Variants in TEX14 observed in about 807,000 individuals in gnomAD.
TEX14 encodes inactive serine/threonine-protein kinase TEX14.
In TEX14, 168 loss-of-function variants were observed where a neutral mutation model predicts 178.6. The observed-to-expected ratio is 0.94, with a 90% CI of 0.83 to 1.07. The LOEUF (loss-of-function observed/expected upper bound fraction) is 1.07, where lower values mean the gene tolerates loss of function less well. TEX14 is among the 50% of genes least tolerant of loss of function. The pLI is 0.00. For missense variants in TEX14, 1,730 were observed against 1,753.6 expected (o/e 0.99, Z 0.24); for synonymous variants, 626 against 634.1 (o/e 0.99, Z 0.19).
chr17:58,658,608 C>T (rs2047018762), intron 1 of TEX14, among the ~76,000 whole-genome samples: 1 of 151,946 alleles, frequency 6.6e-6, no homozygotes, highest in Admixed American at 6.6e-5. Context: ...CCAGGCTGGT[C>T]TCAAACTCCT....
At chr17:58,673,987 C>A (rs1331737264) in intron 1 of TEX14, among the ~76,000 whole-genome samples, 2 of 152,098 alleles carry the variant, frequency 1.3e-5, no homozygotes, top group South Asian at 2.1e-4. Context: ...TAAAAGGAAA[C>A]CCTGGGCCGG....
At chr17:58,566,914 C>G (rs1479307193) in intron 26 of TEX14, among the ~76,000 whole-genome samples, 1 of 152,122 alleles carries the variant, frequency 6.6e-6, no homozygotes, top group African/African-American at 2.4e-5. Flanking sequence ...CACCTGTAAT[C>G]CCAGCACTTT....
chr17:58,682,256 GTCTT>G (rs1408112901), intron 1 of TEX14, among the ~76,000 whole-genome samples: 2 of 146,100 alleles, frequency 1.4e-5, no homozygotes, highest in African/African-American at 5.0e-5. Flanking sequence ...AGGCCACAGA[GTCTT>G]TCTTTTTTTT....
chr17:58,574,889 G>C (rs1355258074), intron 21 of TEX14, among the ~76,000 whole-genome samples: 3 of 152,018 alleles, frequency 2.0e-5, no homozygotes, highest in African/African-American at 7.2e-5. Context: ...TGGGAGGTAA[G>C]ATATTGGAGC....
intron 29 of TEX14, among the ~76,000 whole-genome samples, chr17:58,560,579 C>T (rs968562447): frequency 2.6e-5 from 4 of 152,332 alleles, no homozygotes; most frequent in Admixed American, 1.3e-4. Context: ...TCTTCTAGGG[C>T]AGACAAGTAA....
intron 3 of TEX14, among the ~76,000 whole-genome samples, chr17:58,628,311 G>T (rs931878191): frequency 6.6e-6 from 1 of 152,104 alleles, no homozygotes; most frequent in Non-Finnish European, 1.5e-5. Context: ...CGGCACGGTG[G>T]CTCACATCTG....
In TEX14 at chr17:58,561,500, C is replaced by A; in HGVS notation, c.4157+20G>T. 6.4e-7 allele frequency: 1 copy of A among 1,555,222 alleles called. No individual in the cohort carries two copies. Reference sequence around the variant, plus strand: ...CTTCCTGAAAAAGAAGAAAAGGATTCCCCTTTGGGGAACAATAACCTTTCA... The same window carrying A: ...CTTCCTGAAAAAGAAGAAAAGGATTACCCTTTGGGGAACAATAACCTTTCA... On this transcript the variant is annotated intron_variant, in intron 29 of 31. Transcript: ENST00000349033.
intron 3 of TEX14, among the ~76,000 whole-genome samples, chr17:58,624,620 G>T (rs2046092352): frequency 6.6e-6 from 1 of 152,058 alleles, no homozygotes; most frequent in East Asian, 1.9e-4. Flanking sequence ...GGGATTACAA[G>T]AGTGAGCCAC....
At chr17:58,563,623 A>T (rs1427070382) in intron 28 of TEX14, among the ~76,000 whole-genome samples, 1 of 2,810 alleles carries the variant, frequency 3.6e-4, no homozygotes, top group African/African-American at 2.2e-3. Flanking sequence ...TCTCTAATTT[A>T]TATATATATA....
At position 58,613,413 on chromosome 17, in the gene TEX14, C is replaced by T. The variant is rs1360496017; in HGVS notation, c.1005+8G>A. On this transcript the variant is annotated splice_region_variant and intron_variant, in intron 9 of 31. Transcript: ENST00000349033. ...AGCAATGGAAAATCCACGGAAACAG[C>T]AGTTTACTCGTTCATGAAGGACACT... 1.2e-6 allele frequency: 2 copies of T among 1,613,748 alleles called. No homozygotes were observed. The highest frequency in any genetic ancestry group is 1.7e-6 in the Non-Finnish European group (2 of 1,179,890).
intron 24 of TEX14, among the ~76,000 whole-genome samples, chr17:58,571,490 G>C (rs147040208): frequency 2.8e-4 from 42 of 151,840 alleles, no homozygotes; most frequent in African/African-American, 1.0e-3. Context: ...TGCCCGCCTC[G>C]GTCTCCCAAA....
intron 2 of TEX14, among the ~76,000 whole-genome samples, chr17:58,648,659 G>A (rs76140389): frequency 0.048 from 7,323 of 152,130 alleles, 373 homozygotes; most frequent in African/African-American, 0.13. Flanking sequence ...CTGGGACTCA[G>A]GTCTCATCTC....
chr17:58,631,948 C>T (rs142411800), intron 2 of TEX14: 4 of 152,180 alleles, frequency 2.6e-5, no homozygotes, highest in Non-Finnish European at 5.9e-5. Context: ...GTGTTTTTTC[C>T]AAAAACGATC....
chr17:58,598,564 G>T (rs1191119937), intron 14 of TEX14, among the ~76,000 whole-genome samples: 1 of 152,156 alleles, frequency 6.6e-6, no homozygotes, highest in African/African-American at 2.4e-5. Flanking sequence ...CTGTGTGTTG[G>T]GTCTGAACTG....
intron 7 of TEX14, 132 bp downstream of exon 7, chr17:58,616,043 C>A: frequency 9.4e-7 from 1 of 1,066,096 alleles, no homozygotes; most frequent in Non-Finnish European, 1.3e-6. Context: ...GGCTGAGAAA[C>A]CCTGATTTAG....
chr17:58,652,509 T>C (rs888689752), intron 1 of TEX14, among the ~76,000 whole-genome samples: 4 of 152,188 alleles, frequency 2.6e-5, no homozygotes, highest in African/African-American at 9.7e-5. Flanking sequence ...CCATCTGCCA[T>C]GATTTTAAGT....
intron 1 of TEX14, among the ~76,000 whole-genome samples, chr17:58,681,074 G>A (rs2047492935): frequency 6.6e-6 from 1 of 152,008 alleles, no homozygotes; most frequent in African/African-American, 2.4e-5. Flanking sequence ...CTGAGGTCAG[G>A]AGTTCAAGAC....
chr17:58,676,105 G>A (rs1040292060), intron 1 of TEX14, among the ~76,000 whole-genome samples: 2 of 152,158 alleles, frequency 1.3e-5, no homozygotes, highest in Middle Eastern at 3.2e-3. Flanking sequence ...GCCAGGTGCA[G>A]TTGCTCACGC....
intron 1 of TEX14, among the ~76,000 whole-genome samples, chr17:58,657,884 A>C (rs922905120): frequency 2.0e-5 from 3 of 152,204 alleles, no homozygotes; most frequent in African/African-American, 7.2e-5. Flanking sequence ...GGAGTCATGC[A>C]GCTGGATGCT....
Sources: gnomAD v4.1 joint callset for allele counts (sites outside exome capture counted in the v4.1 genomes callset) on GRCh38, gnomAD v4.1.1 for gene constraint, MANE v1.5 for transcripts, NCBI Gene and HGNC (gene_info 2026-07-23, HGNC 2026-07-21) for gene names.